Variants in CDH13 observed in about 807,000 individuals in gnomAD.
The protein encoded by CDH13 is cadherin 13.
Under a neutral mutation model 63.8 loss-of-function variants are expected in CDH13, and 24 were observed. That is an observed-to-expected ratio of 0.38 (90% CI 0.27 to 0.53). The LOEUF (loss-of-function observed/expected upper bound fraction) is 0.53, where lower values mean the gene tolerates loss of function less well. Among genes scored for constraint, CDH13 ranks in the 20% least tolerant of loss-of-function variants. The pLI, the probability that CDH13 is intolerant of heterozygous loss-of-function variation, is 0.85. For missense variants in CDH13, 1,049 were observed against 903.1 expected, an observed-to-expected ratio of 1.16 and a Z score of -2.07; for synonymous variants, 503 against 355.3, an observed-to-expected ratio of 1.42 and a Z score of -4.67.
At chr16:82,715,419 G>A (rs1044953798) in intron 1 of CDH13, among the ~76,000 whole-genome samples, 6 of 152,100 alleles carry the variant, frequency 3.9e-5, no homozygotes, top group African/African-American at 1.4e-4. Context: ...CCTTATTAAC[G>A]GGTAATGAAG....
rs58046063 is a variant in CDH13, at chr16:82,804,312, C to CACACACACACACACAT, written c.46-54050_46-54049insACACACACACACACAT. On this transcript the variant is annotated intron_variant, in intron 1 of 13. Coordinates refer to ENST00000567109, the MANE Select transcript of CDH13 (RefSeq NM_001257.5). ...ACACACACACACACACACACACACA[C>CACACACACACACACAT]GCACACACATACAAATACAAAGAAA... is the stretch of plus-strand genomic sequence containing the variant. Among the ~76,000 whole-genome samples the CACACACACACACACAT allele has an allele frequency of 4.3e-4, 64 of 148,376 alleles. 1 individual carries two copies. The highest frequency in any genetic ancestry group is 1.5e-3 in the African/African-American group (61 of 39,842).
At chr16:82,913,600 A>G (rs1222075176) in intron 2 of CDH13, among the ~76,000 whole-genome samples, 1 of 152,172 alleles carries the variant, frequency 6.6e-6, no homozygotes, top group African/African-American at 2.4e-5. Flanking sequence ...TGGCTATACC[A>G]CAGAGGCCAG....
chr16:82,819,432 C>T (rs1040627707), intron 1 of CDH13, among the ~76,000 whole-genome samples: 1 of 152,116 alleles, frequency 6.6e-6, no homozygotes, highest in Admixed American at 6.6e-5. Context: ...AAGTCCTCCC[C>T]CTTTTGTTAT....
chr16:83,249,447 T>A (rs1350611026), intron 5 of CDH13, among the ~76,000 whole-genome samples: 1 of 152,218 alleles, frequency 6.6e-6, no homozygotes, highest in Non-Finnish European at 1.5e-5. Flanking sequence ...ACCCATTATG[T>A]CCTGTGCAGT....
At chr16:82,635,898 G>T (rs952518345) in intron 1 of CDH13, among the ~76,000 whole-genome samples, 1 of 151,864 alleles carries the variant, frequency 6.6e-6, no homozygotes, top group Non-Finnish European at 1.5e-5. Context: ...CCCCCTTTGC[G>T]CCCCCTCTCT....
intron 10 of CDH13, among the ~76,000 whole-genome samples, chr16:83,746,236 C>A (rs947794513): frequency 7.9e-5 from 12 of 152,166 alleles, no homozygotes; most frequent in Non-Finnish European, 1.6e-4. Flanking sequence ...ATCTAGAGGT[C>A]TAGGGGAGGG....
chr16:83,390,319 C>T (rs1597902121), intron 6 of CDH13, among the ~76,000 whole-genome samples: 2 of 152,282 alleles, frequency 1.3e-5, no homozygotes, highest in South Asian at 4.1e-4. Flanking sequence ...CATGCAGCAT[C>T]ACTGAACAGA....
intron 7 of CDH13, among the ~76,000 whole-genome samples, chr16:83,510,268 C>A (rs1482748529): frequency 6.6e-6 from 1 of 151,888 alleles, no homozygotes; most frequent in African/African-American, 2.4e-5. Context: ...TTTTTGCTCT[C>A]CGAGATGGAG....
At chr16:83,764,254 C>A (rs893738065) in intron 11 of CDH13, among the ~76,000 whole-genome samples, 1 of 151,994 alleles carries the variant, frequency 6.6e-6, no homozygotes, top group African/African-American at 2.4e-5. Flanking sequence ...GGCCATGGAC[C>A]CCCCCACTTG....
At chr16:82,946,341 G>A (rs1597268143) in intron 2 of CDH13, among the ~76,000 whole-genome samples, 1 of 152,226 alleles carries the variant, frequency 6.6e-6, no homozygotes, top group African/African-American at 2.4e-5. Context: ...TCTAACATAA[G>A]TAGTAATATT....
intron 6 of CDH13, among the ~76,000 whole-genome samples, chr16:83,409,353 G>A (rs2092093904): frequency 6.6e-6 from 1 of 152,216 alleles, no homozygotes; most frequent in African/African-American, 2.4e-5. Flanking sequence ...AAGCAGAGCT[G>A]CCTGCTGTGC....
At chr16:83,278,518 G>T (rs887178109) in intron 5 of CDH13, among the ~76,000 whole-genome samples, 3 of 152,192 alleles carry the variant, frequency 2.0e-5, no homozygotes. Flanking sequence ...TTGGTTTTGA[G>T]TTGAAGCTAT....
intron 4 of CDH13, chr16:83,171,415 C>T: frequency 1.1e-6 from 1 of 930,338 alleles, no homozygotes; most frequent in Non-Finnish European, 1.7e-6. Flanking sequence ...TACAGTTGAA[C>T]ATGAGATTTG....
In CDH13 at chr16:83,073,370, A is replaced by AGAGC. The variant is rs71984913; in HGVS notation, c.366+41155_366+41156insCGAG. 2.1e-5 allele frequency among the ~76,000 whole-genome samples: 3 copies of AGAGC among 145,950 alleles called. No homozygotes were observed. The East Asian group carries it at 5.9e-4, about 29-fold the overall frequency. ...GTGTGTGTGTGAGAGAGAGAGAGAG[A>AGAGC]GAGAGAGCTTTCTTAATTACCACAC... is the stretch of plus-strand genomic sequence containing the variant. On this transcript the variant is annotated intron_variant, in intron 3 of 13. Transcript: ENST00000567109.
chr16:83,045,224 C>G (rs1917667227), intron 3 of CDH13, among the ~76,000 whole-genome samples: 1 of 152,132 alleles, frequency 6.6e-6, no homozygotes, highest in African/African-American at 2.4e-5. Context: ...GGCAAGTAGA[C>G]AAGTCCTGTG....
intron 6 of CDH13, among the ~76,000 whole-genome samples, chr16:83,457,404 A>G (rs568791790): frequency 4.6e-5 from 7 of 152,262 alleles, no homozygotes; most frequent in Non-Finnish European, 7.4e-5. Context: ...CATAGGATCT[A>G]TTCTGCCTTG....
intron 13 of CDH13, among the ~76,000 whole-genome samples, chr16:83,784,669 G>A (rs1915762037): frequency 6.7e-6 from 1 of 150,074 alleles, no homozygotes. Flanking sequence ...AGCCATTATA[G>A]CATTTCACTG....
intron 1 of CDH13, among the ~76,000 whole-genome samples, chr16:82,705,712 T>A (rs1306934444): frequency 6.6e-6 from 1 of 152,156 alleles, no homozygotes; most frequent in Non-Finnish European, 1.5e-5. Flanking sequence ...TTAAAAAAAA[T>A]CAATAATGCT....
intron 2 of CDH13, among the ~76,000 whole-genome samples, chr16:83,028,085 T>TC (rs1597171772): frequency 2.0e-5 from 3 of 152,216 alleles, no homozygotes; most frequent in Admixed American, 1.3e-4. Context: ...CCCCATTCAC[T>TC]CCCCAGCTGA....
Sources: gnomAD v4.1 joint callset for allele counts (sites outside exome capture counted in the v4.1 genomes callset) on GRCh38, gnomAD v4.1.1 for gene constraint, MANE v1.5 for transcripts, NCBI Gene and HGNC (gene_info 2026-07-23, HGNC 2026-07-21) for gene names.